The following SLCO1A2 variants were observed in gnomAD, a reference collection of about 807,000 sequenced individuals.
SLCO1A2 encodes OATP-1.
In SLCO1A2, 67 loss-of-function variants were observed where a neutral mutation model predicts 69.0. The ratio of observed to expected loss-of-function variants is 0.97; its 90% CI spans 0.80 to 1.19. SLCO1A2 has a LOEUF of 1.19. SLCO1A2 is among the 50% of genes most tolerant of loss of function. The pLI, the probability that SLCO1A2 is intolerant of heterozygous loss-of-function variation, is 0.00. For synonymous variants in SLCO1A2, 260 were observed against 265.9 expected (o/e 0.98, Z 0.22); for missense variants, 787 against 793.7 (o/e 0.99, Z 0.10).
chr12:21,382,563 C>T (rs373625025), intron 1 of SLCO1A2, among the ~76,000 whole-genome samples: 5 of 151,874 alleles, frequency 3.3e-5, no homozygotes, highest in South Asian at 2.1e-4. Flanking sequence ...TTTGGGAGGC[C>T]GAGGTGGGCG....
At chr12:21,309,548 G>A (rs954064420) in intron 4 of SLCO1A2, among the ~76,000 whole-genome samples, 1 of 151,956 alleles carries the variant, frequency 6.6e-6, no homozygotes, top group Non-Finnish European at 1.5e-5. Context: ...AAATCCCTAG[G>A]GAAAATATTT....
At chr12:21,366,669 T>C (rs1247972758) in intron 2 of SLCO1A2, among the ~76,000 whole-genome samples, 1 of 151,980 alleles carries the variant, frequency 6.6e-6, no homozygotes, top group Admixed American at 6.6e-5. Context: ...GAGAAAGCTG[T>C]AAATAGCATC....
At chr12:21,390,153 T>G (rs1185282814) in intron 1 of SLCO1A2, among the ~76,000 whole-genome samples, 1 of 151,994 alleles carries the variant, frequency 6.6e-6, no homozygotes, top group Non-Finnish European at 1.5e-5. Flanking sequence ...AAAATGTTGG[T>G]GAACTATGTT....
intron 14 of SLCO1A2, chr12:21,273,799 GATC>G (rs1173425705): frequency 6.6e-6 from 1 of 152,136 alleles, no homozygotes; most frequent in African/African-American, 2.4e-5. Flanking sequence ...TCCTTTTGCT[GATC>G]AAGACCAATA....
Position 21,274,550 on chromosome 12 carries a change from A to G in SLCO1A2, c.1712T>C (p.Met571Thr). ...IPAPIYFGAL[M>T]DSTCLHWGTL... ...TCCCCAGTGTAAACATGTGGAATCC[A>G]TTAAAGCGCCAAAATATATAGGTGC... Residue 571 changes from methionine (M) to threonine (T), a missense_variant, in exon 14 of 15, where the codon ATG (methionine) becomes ACG (threonine). Physicochemically the swap from Met to Thr is moderately conservative, Grantham distance 81 (BLOSUM62 -1). Coordinates refer to ENST00000683939, the MANE Select transcript of SLCO1A2 (RefSeq NM_001386879.1). 5 of 1,613,660 alleles carry G rather than the reference A, an allele frequency of 3.1e-6. No homozygotes were observed. The highest frequency in any genetic ancestry group is 4.2e-6 in the Non-Finnish European group (5 of 1,179,628).
chr12:21,312,055 GAGAAGAAGAAGA>G (rs146724817), intron 4 of SLCO1A2, among the ~76,000 whole-genome samples: 9,342 of 150,160 alleles, frequency 0.062, 970 homozygotes, highest in African/African-American at 0.22. Context: ...AGAAGAGGAG[GAGAAGAAGAAGA>G]GGAAGAAGAA....
At chr12:21,391,276 C>A (rs796303020) in intron 1 of SLCO1A2, among the ~76,000 whole-genome samples, 10 of 152,166 alleles carry the variant, frequency 6.6e-5, no homozygotes, top group African/African-American at 2.4e-4. Flanking sequence ...TATAGAGGAG[C>A]CCAAATTTGA....
intron 2 of SLCO1A2, among the ~76,000 whole-genome samples, chr12:21,350,862 A>AAAAAAAAG: frequency 1.3e-5 from 2 of 149,460 alleles, no homozygotes; most frequent in South Asian, 4.2e-4. Flanking sequence ...AAAAAAAAAA[A>AAAAAAAAG]AAGTCATGTT....
chr12:21,376,253 T>C, intron 1 of SLCO1A2: 1 of 233,614 alleles, frequency 4.3e-6, no homozygotes, highest in African/African-American at 2.3e-5. Flanking sequence ...GCTAAACATA[T>C]CTTGGAACAG....
At chr12:21,366,330 A>G (rs1386012573) in intron 2 of SLCO1A2, among the ~76,000 whole-genome samples, 1 of 144,996 alleles carries the variant, frequency 6.9e-6, no homozygotes, top group African/African-American at 2.5e-5. Flanking sequence ...GTTCTCACTC[A>G]TAGGTGAGAA....
At chr12:21,275,932 A>G (rs1351028112) in intron 12 of SLCO1A2, among the ~76,000 whole-genome samples, 1 of 150,190 alleles carries the variant, frequency 6.7e-6, no homozygotes, top group African/African-American at 2.5e-5. Flanking sequence ...ATAGAGCTAC[A>G]CTCCATCTCA....
chr12:21,300,618 T>A, intron 7 of SLCO1A2, 49 bp from the exon 8 acceptor site: 1 of 1,348,388 alleles, frequency 7.4e-7, no homozygotes, highest in Non-Finnish European at 1.0e-6. Context: ...GTATTTTCTG[T>A]ATGAACTATA....
chr12:21,308,069 A>C (rs1057343053), intron 4 of SLCO1A2, among the ~76,000 whole-genome samples: 1 of 152,218 alleles, frequency 6.6e-6, no homozygotes, highest in Non-Finnish European at 1.5e-5. Context: ...TGGATAGGCT[A>C]GGAAATAAAA....
At chr12:21,371,386 C>T (rs1939777361) in intron 2 of SLCO1A2, among the ~76,000 whole-genome samples, 1 of 145,192 alleles carries the variant, frequency 6.9e-6, no homozygotes, top group African/African-American at 2.7e-5. Context: ...ATGCATTATC[C>T]TTCCATTTCT....
chr12:21,278,177 A>C (rs1944212519), intron 12 of SLCO1A2, among the ~76,000 whole-genome samples: 1 of 151,906 alleles, frequency 6.6e-6, no homozygotes, highest in Admixed American at 6.6e-5. Context: ...GAAAGGGGAG[A>C]GAAGAGTAAA....
intron 2 of SLCO1A2, among the ~76,000 whole-genome samples, chr12:21,322,344 A>G (rs1030183721): frequency 7.9e-5 from 12 of 152,190 alleles, no homozygotes; most frequent in Non-Finnish European, 1.2e-4. Flanking sequence ...CAGCCTCAGG[A>G]GGTCCTGACA....
At chr12:21,274,730 G>C (rs1943486796) in intron 13 of SLCO1A2, 144 bp from the exon 14 acceptor site, 4 of 726,214 alleles carry the variant, frequency 5.5e-6, no homozygotes, top group Middle Eastern at 4.0e-4. Flanking sequence ...TAGAAATGAT[G>C]AGTTACTTTT....
chr12:21,325,001 T>C (rs900703277), intron 2 of SLCO1A2, among the ~76,000 whole-genome samples: 3 of 152,220 alleles, frequency 2.0e-5, no homozygotes, highest in Non-Finnish European at 4.4e-5. Context: ...TAACATTCCA[T>C]AACAAGGCAG....
At chr12:21,279,561 G>C (rs1944442444) in intron 12 of SLCO1A2, among the ~76,000 whole-genome samples, 1 of 151,428 alleles carries the variant, frequency 6.6e-6, no homozygotes, top group African/African-American at 2.4e-5. Flanking sequence ...CATACTTAAA[G>C]TGCTGAAGGA....
Sources: allele counts gnomAD v4.1 joint callset (sites outside exome capture counted in the v4.1 genomes callset), GRCh38; gene constraint gnomAD v4.1.1; transcripts MANE v1.5; gene names NCBI Gene and HGNC (gene_info 2026-07-23, HGNC 2026-07-21).